Variants in LUZP2 observed in about 807,000 individuals in gnomAD.
LUZP2 encodes leucine zipper protein 2.
In LUZP2, 52 loss-of-function variants were observed where a neutral mutation model predicts 51.6. The observed-to-expected ratio is 1.01, with a 90% CI of 0.81 to 1.27. The LOEUF (loss-of-function observed/expected upper bound fraction) is 1.27. Among genes scored for constraint, LUZP2 ranks in the 50% most tolerant of loss-of-function variants. The pLI is 0.00. For missense variants in LUZP2, 436 were observed against 395.4 expected (o/e 1.10, Z -0.87); for synonymous variants, 154 against 137.3 (o/e 1.12, Z -0.85).
chr11:24,938,377 C>T (rs1418891601), intron 7 of LUZP2, among the ~76,000 whole-genome samples: 3 of 152,152 alleles, frequency 2.0e-5, no homozygotes, highest in Non-Finnish European at 4.4e-5. Context: ...TCCTTTTCAA[C>T]TGCCTTTAAC....
At chr11:24,536,204 A>G (rs1451674711) in intron 1 of LUZP2, among the ~76,000 whole-genome samples, 1 of 151,742 alleles carries the variant, frequency 6.6e-6, no homozygotes, top group African/African-American at 2.4e-5. Flanking sequence ...CTTAAGGGCC[A>G]TGAGATTTTT....
intron 5 of LUZP2, among the ~76,000 whole-genome samples, chr11:24,880,141 A>G (rs532681859): frequency 2.6e-5 from 4 of 152,324 alleles, no homozygotes; most frequent in African/African-American, 9.6e-5. Flanking sequence ...GATTGCTGGC[A>G]TAGGTGATTC....
rs79728531 is a variant in LUZP2 at position 24,807,840 on chromosome 11, C to A, written c.396+44532C>A. On this transcript the variant is annotated intron_variant, in intron 5 of 11. Coordinates refer to ENST00000336930, the MANE Select transcript of LUZP2 (RefSeq NM_001009909.4). ...ATAAAAAAGTGGAGGAAGGTCAGGG[C>A]GACCATCTTGCTCTTTGGCTTTCTC... Among the ~76,000 whole-genome samples the A allele has an allele frequency of 9.5e-3, 1,443 of 152,112 alleles. 25 individuals carry two copies. The highest frequency in any genetic ancestry group is 0.031 in the African/African-American group (1,299 of 41,476).
At chr11:24,588,960 C>T (rs943330924) in intron 1 of LUZP2, among the ~76,000 whole-genome samples, 2 of 152,126 alleles carry the variant, frequency 1.3e-5, no homozygotes, top group Admixed American at 6.6e-5. Context: ...GTTCAAGTAG[C>T]AAACAACTCT....
At chr11:24,564,732 A>C (rs2133780920) in intron 1 of LUZP2, among the ~76,000 whole-genome samples, 1 of 152,284 alleles carries the variant, frequency 6.6e-6, no homozygotes, top group South Asian at 2.1e-4. Context: ...TTATATTTGT[A>C]ATCAGCAGAA....
chr11:25,035,610 C>T (rs544037521), intron 9 of LUZP2, among the ~76,000 whole-genome samples: 1 of 152,106 alleles, frequency 6.6e-6, no homozygotes, highest in African/African-American at 2.4e-5. Context: ...GACCATTATG[C>T]CCAAAACAAT....
chr11:24,653,054 G>A (rs563568341), intron 1 of LUZP2, among the ~76,000 whole-genome samples: 65 of 152,142 alleles, frequency 4.3e-4, no homozygotes, highest in Non-Finnish European at 7.2e-4. Flanking sequence ...AACAAAATAT[G>A]TGGGGCCTTA....
At chr11:24,681,136 C>T (rs1462520071) in intron 1 of LUZP2, among the ~76,000 whole-genome samples, 20 of 151,876 alleles carry the variant, frequency 1.3e-4, no homozygotes, top group African/African-American at 4.3e-4. Context: ...CGCCCGCCAC[C>T]GCGCCCAGCT....
chr11:25,013,425 A>G (rs959421031), intron 9 of LUZP2, among the ~76,000 whole-genome samples: 1 of 152,166 alleles, frequency 6.6e-6, no homozygotes, highest in Non-Finnish European at 1.5e-5. Context: ...ATAAATTTTT[A>G]CATATGAAAA....
At chr11:24,624,345 C>A (rs1854606317) in intron 1 of LUZP2, among the ~76,000 whole-genome samples, 1 of 151,866 alleles carries the variant, frequency 6.6e-6, no homozygotes, top group African/African-American at 2.4e-5. Flanking sequence ...GTCCTCAGAA[C>A]TCCTGTTTTA....
At chr11:24,863,626 AAAT>A (rs1851804399) in intron 5 of LUZP2, among the ~76,000 whole-genome samples, 1 of 152,202 alleles carries the variant, frequency 6.6e-6, no homozygotes, top group South Asian at 2.1e-4. Context: ...TTCTAAAAGT[AAAT>A]AATGATGAAA....
intron 7 of LUZP2, among the ~76,000 whole-genome samples, chr11:24,934,680 A>T (rs972769514): frequency 6.6e-6 from 1 of 152,184 alleles, no homozygotes; most frequent in Non-Finnish European, 1.5e-5. Flanking sequence ...TTGTAAATAC[A>T]TTTAAAATTA....
chr11:24,933,584 C>T (rs1352627722), intron 7 of LUZP2, among the ~76,000 whole-genome samples: 1 of 152,132 alleles, frequency 6.6e-6, no homozygotes, highest in African/African-American at 2.4e-5. Flanking sequence ...GCTTCAGAGT[C>T]AATGGATGCA....
chr11:24,888,119 A>T (rs1852731316), intron 5 of LUZP2, among the ~76,000 whole-genome samples: 1 of 152,174 alleles, frequency 6.6e-6, no homozygotes, highest in Non-Finnish European at 1.5e-5. Context: ...TTGAAAATTG[A>T]TTGAGGCCTT....
At chr11:25,067,206 C>A (rs1244207791) in intron 10 of LUZP2, among the ~76,000 whole-genome samples, 3 of 151,874 alleles carry the variant, frequency 2.0e-5, no homozygotes, top group Non-Finnish European at 4.4e-5. Flanking sequence ...TTGTTCATAT[C>A]CTTTGGCCAC....
intron 5 of LUZP2, among the ~76,000 whole-genome samples, chr11:24,865,665 C>T (rs559014329): frequency 6.6e-6 from 1 of 151,356 alleles, no homozygotes; most frequent in East Asian, 1.9e-4. Context: ...ATGTCTTCAC[C>T]AAATACATTT....
At chr11:24,846,607 C>T (rs1851207018) in intron 5 of LUZP2, among the ~76,000 whole-genome samples, 1 of 152,076 alleles carries the variant, frequency 6.6e-6, no homozygotes, top group Non-Finnish European at 1.5e-5. Context: ...GAATCTGTAA[C>T]TGAAACCTTA....
intron 5 of LUZP2, among the ~76,000 whole-genome samples, chr11:24,805,967 G>A (rs1217127368): frequency 1.3e-5 from 2 of 152,290 alleles, no homozygotes; most frequent in South Asian, 2.1e-4. Flanking sequence ...AGTAAGAAAA[G>A]TGTGTCTTGG....
intron 1 of LUZP2, among the ~76,000 whole-genome samples, chr11:24,597,796 T>C (rs1853490934): frequency 6.6e-6 from 1 of 152,278 alleles, no homozygotes; most frequent in Non-Finnish European, 1.5e-5. Context: ...ACTTATTCTT[T>C]AGTCACATAG....
Sources: gnomAD v4.1 joint callset for allele counts (sites outside exome capture counted in the v4.1 genomes callset) on GRCh38, gnomAD v4.1.1 for gene constraint, MANE v1.5 for transcripts, NCBI Gene and HGNC (gene_info 2026-07-23, HGNC 2026-07-21) for gene names.